The following GPM6A variants were observed in gnomAD, a reference collection of about 807,000 sequenced individuals.
GPM6A encodes the protein glycoprotein M6A.
In GPM6A, 7 loss-of-function variants were observed where a neutral mutation model predicts 32.1. The observed-to-expected ratio is 0.22, with a 90% confidence interval of 0.12 to 0.41. The LOEUF (loss-of-function observed/expected upper bound fraction) is 0.41, where lower values mean the gene tolerates loss of function less well. GPM6A is among the 10% of genes least tolerant of loss of function. The pLI is 1.00. For synonymous variants in GPM6A, 130 were observed against 123.4 expected, an observed-to-expected ratio of 1.05 and a Z score of -0.35; for missense variants, 235 against 347.2, an observed-to-expected ratio of 0.68 and a Z score of 2.57.
At chr4:175,998,294 C>T (rs1460275716) in intron 1 of GPM6A, among the ~76,000 whole-genome samples, 1 of 152,084 alleles carries the variant, frequency 6.6e-6, no homozygotes, top group African/African-American at 2.4e-5. Flanking sequence ...GCTGGGATTA[C>T]AGGCGTGTGC....
At chr4:175,809,908 A>G (rs1734848718) in intron 1 of GPM6A, among the ~76,000 whole-genome samples, 1 of 152,226 alleles carries the variant, frequency 6.6e-6, no homozygotes, top group African/African-American at 2.4e-5. Flanking sequence ...ACTGATGTGA[A>G]TTTTAAGTCT....
At chr4:175,871,085 C>A (rs1026418105) in intron 1 of GPM6A, among the ~76,000 whole-genome samples, 2 of 151,930 alleles carry the variant, frequency 1.3e-5, no homozygotes. Flanking sequence ...TATTCTGGTG[C>A]TTCTCCAGTC....
At chr4:175,661,517 G>T (rs1021326055) in intron 3 of GPM6A, among the ~76,000 whole-genome samples, 1 of 151,964 alleles carries the variant, frequency 6.6e-6, no homozygotes, top group Non-Finnish European at 1.5e-5. Context: ...AATGAAGAAG[G>T]CCATGCTAAA....
rs1238913923 is a variant in GPM6A, at chr4:175,655,152, T to C, written c.388-3165A>G. Among the ~76,000 whole-genome samples the C allele has an allele frequency of 3.3e-5, 5 of 152,150 alleles. 1 individual carries two copies. In the South Asian group the frequency reaches 6.2e-4, roughly 19 times the overall value. ...CTATGTTACAGCAAATTAACAAAGC[T>C]GGATGATATAGAGTAAATCAGTGCG... On this transcript the variant is annotated intron_variant, in intron 3 of 6. Transcript: ENST00000393658.
At chr4:175,933,860 G>C (rs930163132) in intron 1 of GPM6A, among the ~76,000 whole-genome samples, 1 of 152,106 alleles carries the variant, frequency 6.6e-6, no homozygotes, top group Non-Finnish European at 1.5e-5. Flanking sequence ...TTTATTCATA[G>C]AAGTCACAGA....
intron 1 of GPM6A, among the ~76,000 whole-genome samples, chr4:175,896,947 C>T (rs1342102094): frequency 6.6e-6 from 1 of 151,876 alleles, no homozygotes; most frequent in Non-Finnish European, 1.5e-5. Flanking sequence ...TTATTATATT[C>T]ACTGAAAATG....
At chr4:175,814,242 C>T (rs183481162), upstream of GPM6A, among the ~76,000 whole-genome samples, 164 of 152,248 alleles carry the variant, frequency 1.1e-3, 1 homozygote, top group African/African-American at 3.5e-3. Context: ...TACATTAACC[C>T]GTTGTAAGTC....
chr4:175,879,517 C>T (rs553687572), intron 1 of GPM6A, among the ~76,000 whole-genome samples: 2 of 152,226 alleles, frequency 1.3e-5, no homozygotes, highest in African/African-American at 4.8e-5. Context: ...AAAGGGGAAG[C>T]ACCTCATAAA....
At chr4:175,674,467 C>G (rs1345365473) in intron 2 of GPM6A, among the ~76,000 whole-genome samples, 1 of 152,176 alleles carries the variant, frequency 6.6e-6, no homozygotes, top group Non-Finnish European at 1.5e-5. Flanking sequence ...AGCCACTACT[C>G]CTGGCCTATT....
Position 175,750,215 on chromosome 4 carries a change from C to T in GPM6A, c.38-48448G>A, listed in dbSNP as rs1457372659. On this transcript the variant is annotated intron_variant, in intron 1 of 6. Transcript: ENST00000393658. ...CTGGGATTACAGGCGCATGCCACCACACCCTGCTAATTTTGTATTTTTATT... is the reference window on the plus strand; with the variant it reads ...CTGGGATTACAGGCGCATGCCACCATACCCTGCTAATTTTGTATTTTTATT... Among the ~76,000 whole-genome samples, 4 of 152,196 alleles carry T rather than the reference C, an allele frequency of 2.6e-5. No homozygotes were observed. The South Asian group carries it at 6.2e-4, about 24-fold the overall frequency.
At chr4:175,817,094 G>A (rs531836082), upstream of GPM6A, among the ~76,000 whole-genome samples, 3 of 152,214 alleles carry the variant, frequency 2.0e-5, 1 homozygote, top group East Asian at 5.8e-4. Flanking sequence ...TCCTGACTTC[G>A]TGATCCGCCC....
At chr4:175,835,395 GT>G (rs1471565496) in intron 1 of GPM6A, among the ~76,000 whole-genome samples, 4 of 151,964 alleles carry the variant, frequency 2.6e-5, no homozygotes, top group Non-Finnish European at 5.9e-5. Context: ...CTGACTGTAC[GT>G]TTTGATCATC....
rs1294082514 is a variant in GPM6A, at chr4:175,792,987, T to C, written c.37+19204A>G. ...TAAGGCCAGGAGTTTCAGACCACCC[T>C]GGCCAACATGGTGAAACCCCATTTC... On this transcript the variant is annotated intron_variant, in intron 1 of 6. Transcript: ENST00000393658. 2.0e-5 allele frequency among the ~76,000 whole-genome samples: 3 copies of C among 152,292 alleles called. No individual in the cohort carries two copies. The East Asian group carries it at 5.8e-4, about 29-fold the overall frequency.
intron 2 of GPM6A, among the ~76,000 whole-genome samples, chr4:175,689,047 G>C (rs113294641): frequency 1.3e-3 from 192 of 152,220 alleles, no homozygotes; most frequent in African/African-American, 4.5e-3. Flanking sequence ...TAGAGATAGG[G>C]ATTACGAACG....
At chr4:175,950,134 A>G (rs1739757807) in intron 1 of GPM6A, among the ~76,000 whole-genome samples, 2 of 152,188 alleles carry the variant, frequency 1.3e-5, no homozygotes, top group African/African-American at 4.8e-5. Flanking sequence ...AATTATATAC[A>G]CTTTGACAAA....
chr4:175,871,285 C>A (rs1327486245), intron 1 of GPM6A, among the ~76,000 whole-genome samples: 1 of 152,032 alleles, frequency 6.6e-6, no homozygotes, highest in Non-Finnish European at 1.5e-5. Flanking sequence ...CCTGGCCCAA[C>A]ATGGCGAAAC....
chr4:175,843,353 G>A (rs984077353), intron 1 of GPM6A, among the ~76,000 whole-genome samples: 2 of 152,128 alleles, frequency 1.3e-5, no homozygotes, highest in Non-Finnish European at 2.9e-5. Context: ...ACATGCTTAA[G>A]CTAAATGTAA....
intron 1 of GPM6A, among the ~76,000 whole-genome samples, chr4:175,989,802 A>G (rs1431758846): frequency 6.6e-6 from 1 of 152,208 alleles, no homozygotes; most frequent in Non-Finnish European, 1.5e-5. Flanking sequence ...TGGGAAATAG[A>G]ATCTTAAAGC....
intron 2 of GPM6A, among the ~76,000 whole-genome samples, chr4:175,681,374 G>A (rs1207433412): frequency 6.6e-6 from 1 of 151,882 alleles, no homozygotes; most frequent in Non-Finnish European, 1.5e-5. Context: ...TATGATTATG[G>A]GCACTATATA....
Sources: gnomAD v4.1 joint callset for allele counts (sites outside exome capture counted in the v4.1 genomes callset) on GRCh38, gnomAD v4.1.1 for gene constraint, MANE v1.5 for transcripts, NCBI Gene and HGNC (gene_info 2026-07-23, HGNC 2026-07-21) for gene names.